The following TET2 variants were observed in gnomAD, a reference collection of about 807,000 sequenced individuals.
TET2 encodes methylcytosine dioxygenase TET2.
Under a neutral mutation model 142.9 loss-of-function variants are expected in TET2, and 299 were observed. The ratio of observed to expected loss-of-function variants is 2.09; its 90% CI spans 1.90 to 2.30. TET2 has a LOEUF of 2.30. Ranked by LOEUF, TET2 falls within the 30% of genes most tolerant of loss-of-function variation. TET2 has a pLI of 0.00. For missense variants in TET2, 2,418 were observed against 2,378.0 expected (o/e 1.02, Z -0.35); for synonymous variants, 819 against 849.0 (o/e 0.96, Z 0.61).
intron 1 of TET2, among the ~76,000 whole-genome samples, chr4:105,184,095 A>C (rs1336376915): frequency 6.6e-6 from 1 of 152,200 alleles, no homozygotes; most frequent in Non-Finnish European, 1.5e-5. Context: ...AGCCAGTGTC[A>C]GAATGTCGTG....
At chr4:105,221,242 G>C (rs1390028358) in intron 2 of TET2, among the ~76,000 whole-genome samples, 1 of 152,082 alleles carries the variant, frequency 6.6e-6, no homozygotes, top group African/African-American at 2.4e-5. Context: ...AGGATTAACA[G>C]ATAAGTGGAT....
chr4:105,164,602 G>A (rs538850313), intron 1 of TET2, among the ~76,000 whole-genome samples: 74 of 152,314 alleles, frequency 4.9e-4, no homozygotes, highest in African/African-American at 1.6e-3. Context: ...AATAATCAAT[G>A]CTTTGATCTT....
chr4:105,191,244 A>AT, intron 2 of TET2, among the ~76,000 whole-genome samples: 1 of 152,192 alleles, frequency 6.6e-6, no homozygotes, highest in Non-Finnish European at 1.5e-5. Flanking sequence ...TTTTTTAATC[A>AT]TGTTCTTATA....
chr4:105,166,467 C>T (rs1402828233), intron 1 of TET2, among the ~76,000 whole-genome samples: 1 of 151,846 alleles, frequency 6.6e-6, no homozygotes, highest in Non-Finnish European at 1.5e-5. Flanking sequence ...GAATGAAATA[C>T]ACTTTCTTCT....
At chr4:105,172,371 G>T (rs1159978612) in intron 1 of TET2, 1 of 152,106 alleles carries the variant, frequency 6.6e-6, no homozygotes, top group Non-Finnish European at 1.5e-5. Context: ...CTAGAGAAAA[G>T]AAACTGTTAT....
chr4:105,191,624 G>A (rs962837639), intron 2 of TET2, among the ~76,000 whole-genome samples: 3 of 152,004 alleles, frequency 2.0e-5, no homozygotes, highest in Non-Finnish European at 4.4e-5. Context: ...TCTAATCTCT[G>A]CCTTACTGCA....
chr4:105,179,062 C>A (rs1724970541), intron 1 of TET2, among the ~76,000 whole-genome samples: 1 of 152,070 alleles, frequency 6.6e-6, no homozygotes, highest in South Asian at 2.1e-4. Context: ...GAACTCACTC[C>A]CTATGATGAG....
chr4:105,198,190 G>T (rs952339466), intron 2 of TET2, among the ~76,000 whole-genome samples: 3 of 152,068 alleles, frequency 2.0e-5, no homozygotes, highest in African/African-American at 7.2e-5. Flanking sequence ...TGCAAAATTA[G>T]CTGGGGGTGG....
At chr4:105,217,047 C>T (rs55770048) in intron 2 of TET2, among the ~76,000 whole-genome samples, 40 of 151,760 alleles carry the variant, frequency 2.6e-4, no homozygotes, top group African/African-American at 5.8e-4. Context: ...TTTGTGTGTT[C>T]TTTCTTTGTT....
At position 105,234,200 on chromosome 4, in the gene TET2, C is replaced by G. The variant is rs1219418862; in HGVS notation, c.258C>G (p.Ser86=). 1 of 1,614,060 alleles carries G rather than the reference C, an allele frequency of 6.2e-7. No individual in the cohort carries two copies. Among genetic ancestry groups the G allele is most frequent in the East Asian group, 2.2e-5 (1 of 44,872 alleles). Residue 86 remains serine (S), a synonymous_variant, in exon 3 of 11, where the codon TCC becomes TCG. Coordinates refer to ENST00000380013, the MANE Select transcript of TET2 (RefSeq NM_001127208.3). ...TTACACAAGAAAGTAGAGGGTATTC[C>G]AAGTGTTTGCAAAATGGAGGAATAA... ...PDFTQESRGY[S]KCLQNGGIKR...
chr4:105,235,282 G>GGGAAGTGAAAATAGAGGGTAAACC lies in TET2; in HGVS notation c.1341_1364dup (p.Val449_Glu456dup), dbSNP rs1391887746. On this transcript the variant is annotated inframe_insertion, in exon 3 of 11. Transcript: ENST00000380013. ...AACCAAAGTAACACAACACTTTTAAGGGAAGTGAAAATAGAGGGTAAACCT... is the reference window on the plus strand; with the variant it reads ...AACCAAAGTAACACAACACTTTTAAGGGAAGTGAAAATAGAGGGTAAACCGGAAGTGAAAATAGAGGGTAAACCT... The GGGAAGTGAAAATAGAGGGTAAACC allele has an allele frequency of 3.7e-6, 6 of 1,614,066 alleles. No homozygotes were observed. Among genetic ancestry groups the GGGAAGTGAAAATAGAGGGTAAACC allele is most frequent in the Non-Finnish European group, 4.2e-6 (5 of 1,179,996 alleles).
At chr4:105,267,016 C>T (rs1730712241) in intron 8 of TET2, among the ~76,000 whole-genome samples, 1 of 151,628 alleles carries the variant, frequency 6.6e-6, no homozygotes, top group Non-Finnish European at 1.5e-5. Flanking sequence ...ACATATTACA[C>T]TAGGTGGGAA....
In TET2 at chr4:105,269,513, A is replaced by T; in HGVS notation, c.4045-97A>T. The T allele has an allele frequency of 1.5e-6, 2 of 1,317,556 alleles. 1 individual carries two copies. Among genetic ancestry groups the T allele is most frequent in the South Asian group, 3.0e-5 (2 of 66,610 alleles). The allele number at this position is 1,317,556 out of a possible 1,614,324, so 81.6% of individuals were successfully genotyped here. A position where few individuals can be genotyped will look rare whatever the true frequency, so the allele number is the denominator to read the frequency against. On this transcript the variant is annotated intron_variant, in intron 8 of 10. Transcript: ENST00000380013. ...CTGGATATATATTTAAGTTCAAAAC[A>T]TTTTTTTAAAGTTCTAAATGGTCTA...
intron 1 of TET2, among the ~76,000 whole-genome samples, chr4:105,183,453 T>G (rs1725241066): frequency 6.6e-6 from 1 of 152,118 alleles, no homozygotes; most frequent in Admixed American, 6.6e-5. Flanking sequence ...CCTATATATA[T>G]TTTTTATCTC....
Position 105,235,718 on chromosome 4 carries a change from T to A in TET2, c.1776T>A (p.Tyr592Ter). The A allele has an allele frequency of 6.2e-7, 1 of 1,614,156 alleles. No homozygotes were observed. Among genetic ancestry groups the A allele is most frequent in the Non-Finnish European group, 8.5e-7 (1 of 1,180,016 alleles). Residue 592 changes from tyrosine (Y) to a stop codon, truncating the protein, a stop_gained, in exon 3 of 11, where the codon TAT (tyrosine) becomes TAA (stop). Transcript: ENST00000380013. LOFTEE classifies it high-confidence loss of function. ...NEASLPSILQ[Y>*]QPNLSNQMTS... ...CATCACTGCCATCAATTCTTCAGTATCAACCCAATCTCTCCAATCAAATGA... is the reference window on the plus strand; with the variant it reads ...CATCACTGCCATCAATTCTTCAGTAACAACCCAATCTCTCCAATCAAATGA...
At chr4:105,146,853 G>C (rs1315199589), upstream of TET2, 1 of 152,246 alleles carries the variant, frequency 6.6e-6, no homozygotes, top group Non-Finnish European at 1.5e-5. Flanking sequence ...TATGAATATT[G>C]ATGCGGAGGC....
intron 3 of TET2, 73 bp from the exon 4 acceptor site, chr4:105,241,266 A>C: frequency 6.9e-7 from 1 of 1,454,132 alleles, no homozygotes. Flanking sequence ...GTTGGGGGTT[A>C]AGCTTTGTGG....
chr4:105,159,075 G>A (rs1476460791), intron 1 of TET2, among the ~76,000 whole-genome samples: 1 of 151,978 alleles, frequency 6.6e-6, no homozygotes, highest in African/African-American at 2.4e-5. Flanking sequence ...AGTGTCTGTG[G>A]GCGGAGGAAT....
intron 1 of TET2, among the ~76,000 whole-genome samples, chr4:105,160,422 G>A (rs1464091279): frequency 6.6e-6 from 1 of 152,176 alleles, no homozygotes; most frequent in Non-Finnish European, 1.5e-5. Context: ...AAGCAGACTG[G>A]TTTGAATATT....
Sources: gnomAD v4.1 joint callset for allele counts (sites outside exome capture counted in the v4.1 genomes callset) on GRCh38, gnomAD v4.1.1 for gene constraint, MANE v1.5 for transcripts, NCBI Gene and HGNC (gene_info 2026-07-23, HGNC 2026-07-21) for gene names.